The following LRRC61 variants were observed in gnomAD, a reference collection of about 807,000 sequenced individuals.
The protein encoded by LRRC61 is leucine rich repeat containing 61, also known as leucine-rich repeat-containing protein 61.
A neutral mutation model predicts 15.1 loss-of-function variants in LRRC61; 9 were observed. The observed-to-expected ratio is 0.60, with a 90% CI of 0.36 to 1.04. The LOEUF (loss-of-function observed/expected upper bound fraction) is 1.04. Among genes scored for constraint, LRRC61 ranks in the 50% least tolerant of loss-of-function variants. LRRC61 has a pLI of 0.01. For missense variants in LRRC61, 344 were observed against 335.6 expected (o/e 1.03, Z -0.20); for synonymous variants, 173 against 158.6 (o/e 1.09, Z -0.68).
chr7:150,325,157 C>T (rs1797916635), intron 1 of LRRC61, among the ~76,000 whole-genome samples: 1 of 152,224 alleles, frequency 6.6e-6, no homozygotes, highest in Non-Finnish European at 1.5e-5. Flanking sequence ...TCCATCATTC[C>T]TCCTCTTCCA....
At chr7:150,310,506 T>C in the LRRC61 span, among the ~76,000 whole-genome samples, 1 of 152,096 alleles carries the variant, frequency 6.6e-6, no homozygotes, top group Non-Finnish European at 1.5e-5. Flanking sequence ...ATAAATCAAA[T>C]TGTCCTTCCC....
At chr7:150,331,079 A>G (rs752887970) in intron 2 of LRRC61, 1 of 1,613,490 alleles carries the variant, frequency 6.2e-7, no homozygotes, top group South Asian at 1.1e-5. Flanking sequence ...CCTGGCCACC[A>G]TCTATCTGTC....
chr7:150,319,717 A>G (rs568841730), upstream of LRRC61, among the ~76,000 whole-genome samples: 3 of 152,276 alleles, frequency 2.0e-5, no homozygotes, highest in East Asian at 3.9e-4. Flanking sequence ...TGCATTTTAA[A>G]ACACTGTTGG....
At chr7:150,310,776 G>A in the LRRC61 span, among the ~76,000 whole-genome samples, 1 of 152,150 alleles carries the variant, frequency 6.6e-6, no homozygotes, top group African/African-American at 2.4e-5. Context: ...CTTTCTGCCC[G>A]TCTGCCTCCC....
Position 150,330,977 on chromosome 7 carries a change from G to C in LRRC61, c.-145+4967G>C. The C allele has an allele frequency of 6.2e-7, 1 of 1,612,018 alleles. No individual in the cohort carries two copies. Among genetic ancestry groups the C allele is most frequent in the Non-Finnish European group, 8.5e-7 (1 of 1,179,988 alleles). ...GCTCGCTGTCCACCAAGAGCCACTG[G>C]GCCAGCATCATTGTCAAGAAGTATC... On this transcript the variant is annotated intron_variant, in intron 2 of 2. Transcript: ENST00000359623. This position sits in a 1 kb window ranked among gnomAD's most constrained non-coding sequence, Gnocchi z 4.6.
intron 2 of LRRC61, chr7:150,331,034 T>A: frequency 6.2e-7 from 1 of 1,612,064 alleles, no homozygotes; most frequent in Non-Finnish European, 8.5e-7. Flanking sequence ...GAGCCCAGGA[T>A]GACCCCCTGG....
chr7:150,312,135 C>A, the LRRC61 span, among the ~76,000 whole-genome samples: 2 of 152,194 alleles, frequency 1.3e-5, no homozygotes, highest in African/African-American at 2.4e-5. Context: ...TGCCTCCACA[C>A]CTGCTAATAT....
rs932380326 is a variant in LRRC61, at chr7:150,335,672, G to C, written c.-144-1046G>C. Among the ~76,000 whole-genome samples, 3 of 151,188 alleles carry C rather than the reference G, an allele frequency of 2.0e-5. No individual in the cohort carries two copies. The highest frequency in any genetic ancestry group is 2.0e-4 in the Admixed American group (3 of 15,266). On this transcript the variant is annotated intron_variant, in intron 2 of 2. Transcript: ENST00000359623. The surrounding 1 kb of genome is among the most constrained non-coding windows in gnomAD (Gnocchi z 4.3). ...AGATCTGCAGGGCAGGCATCACCCC[G>C]CCGGCCTGGGTGAGACTCCTGGGTC...
chr7:150,316,862 C>T, the LRRC61 span, among the ~76,000 whole-genome samples: 5 of 152,056 alleles, frequency 3.3e-5, no homozygotes, highest in Non-Finnish European at 7.4e-5. Context: ...TAGGGAGAAC[C>T]GATATCTTTT....
At position 150,330,179 on chromosome 7, in the gene LRRC61, C is replaced by A. The variant is rs998588976; in HGVS notation, c.-145+4169C>A. On this transcript the variant is annotated intron_variant, in intron 2 of 2. Coordinates refer to ENST00000359623, the MANE Select transcript of LRRC61 (RefSeq NM_001142928.2). This position sits in a 1 kb window ranked among gnomAD's most constrained non-coding sequence, Gnocchi z 4.6. The stretch of plus-strand genomic sequence containing the variant: ...AAGGCTCTGTGGAGGCCCAGGGACT[C>A]CTCACCCAGCTCCAGCGCCAGCGCA... 4 of 585,904 alleles carry A rather than the reference C, an allele frequency of 6.8e-6. No homozygotes were observed. The allele number at this position is 585,904 out of a possible 1,614,324, so 36.3% of individuals were successfully genotyped here. A position where few individuals can be genotyped will look rare whatever the true frequency, so the allele number is the denominator to read the frequency against.
At chr7:150,314,785 A>C in the LRRC61 span, among the ~76,000 whole-genome samples, 61 of 149,034 alleles carry the variant, frequency 4.1e-4, no homozygotes, top group African/African-American at 8.3e-4. Flanking sequence ...AAAAAAAAAA[A>C]AACAACAACA....
chr7:150,309,568 A>T, the LRRC61 span, among the ~76,000 whole-genome samples: 1 of 152,210 alleles, frequency 6.6e-6, no homozygotes, highest in Admixed American at 6.5e-5. Flanking sequence ...AAAACTTCAG[A>T]ACAACCAAAC....
chr7:150,336,643 G>A, intron 2 of LRRC61, 75 bp from the exon 3 acceptor site: 1 of 611,880 alleles, frequency 1.6e-6, no homozygotes, highest in South Asian at 2.1e-5. Context: ...GGTAAAAGCA[G>A]GGTCAGACTC....
chr7:150,337,411 CG>C lies in LRRC61; in HGVS notation c.551del (p.Arg184LeufsTer142). 2 of 1,605,584 alleles carry C rather than the reference CG, an allele frequency of 1.2e-6. No homozygotes were observed. The highest frequency in any genetic ancestry group is 1.7e-6 in the Non-Finnish European group (2 of 1,179,946). On this transcript the variant is annotated frameshift_variant, in exon 3 of 3. Transcript: ENST00000359623. LOFTEE classifies it high-confidence loss of function. ...GTGCCGAGACCTGGACAGCTCCTTGCGTCCCAGCTCCAGTCCAGGCCCCAGA... is the reference window on the plus strand; with the variant it reads ...GTGCCGAGACCTGGACAGCTCCTTGCTCCCAGCTCCAGTCCAGGCCCCAGA... ...QLCRDLDSSL[R>X]PSSSPGPRAT... is the part of the protein sequence containing the mutation.
At chr7:150,314,539 T>C in the LRRC61 span, among the ~76,000 whole-genome samples, 4 of 152,130 alleles carry the variant, frequency 2.6e-5, no homozygotes, top group African/African-American at 7.2e-5. Context: ...CAGGGAGATG[T>C]GTGAAGCAAA....
At chr7:150,313,920 G>C in the LRRC61 span, among the ~76,000 whole-genome samples, 1 of 152,194 alleles carries the variant, frequency 6.6e-6, no homozygotes, top group Non-Finnish European at 1.5e-5. Flanking sequence ...AAGGGACTTG[G>C]GGACTGTGAA....
At position 150,330,214 on chromosome 7, in the gene LRRC61, C is replaced by G. The variant is rs1185401001; in HGVS notation, c.-145+4204C>G. Reference sequence around the variant, plus strand: ...CTCCAGCGCCAGCGCAGCCTCCTAGCCCACCAGCCCTTTGAGGAGCTCTTG... The same window carrying G: ...CTCCAGCGCCAGCGCAGCCTCCTAGGCCACCAGCCCTTTGAGGAGCTCTTG... On this transcript the variant is annotated intron_variant, in intron 2 of 2. Coordinates refer to ENST00000359623, the MANE Select transcript of LRRC61 (RefSeq NM_001142928.2). This position sits in a 1 kb window ranked among gnomAD's most constrained non-coding sequence, Gnocchi z 4.6. 12 of 597,828 alleles carry G rather than the reference C, an allele frequency of 2.0e-5. No homozygotes were observed. The highest frequency in any genetic ancestry group is 3.6e-5 in the Non-Finnish European group (12 of 335,244). 37.0% of individuals were successfully genotyped at this position (597,828 alleles called of 1,614,324 possible).
chr7:150,329,052 C>G (rs1440952610), intron 2 of LRRC61, among the ~76,000 whole-genome samples: 1 of 152,216 alleles, frequency 6.6e-6, no homozygotes, highest in Non-Finnish European at 1.5e-5. Flanking sequence ...CAGTTGAAAC[C>G]TAGTCTCCCG....
At chr7:150,328,555 G>C (rs888368158) in intron 2 of LRRC61, 14 of 152,214 alleles carry the variant, frequency 9.2e-5, no homozygotes, top group Admixed American at 9.2e-4. Context: ...ACGTTCTATC[G>C]TGCTTGTCCC....
Sources: allele counts gnomAD v4.1 joint callset (sites outside exome capture counted in the v4.1 genomes callset), GRCh38; gene constraint gnomAD v4.1.1; non-coding constraint Gnocchi (gnomAD v3.1); transcripts MANE v1.5; gene names NCBI Gene and HGNC (gene_info 2026-07-23, HGNC 2026-07-21).